DYM: variants seen among roughly 807,000 people sequenced by gnomAD.
DYM encodes the protein dymeclin, also known as dyggve-Melchior-Clausen syndrome protein.
In DYM, 78 loss-of-function variants were observed where a neutral mutation model predicts 93.1. The observed-to-expected ratio is 0.84, with a 90% CI of 0.70 to 1.01. DYM has a LOEUF of 1.01. Among genes scored for constraint, DYM ranks in the 50% least tolerant of loss-of-function variants. DYM has a pLI of 0.00. For missense variants in DYM, 789 were observed against 845.0 expected (o/e 0.93, Z 0.82); for synonymous variants, 321 against 319.7 (o/e 1.00, Z -0.04).
At chr18:49,067,002 C>T (rs919642477) in intron 17 of DYM, among the ~76,000 whole-genome samples, 10 of 152,078 alleles carry the variant, frequency 6.6e-5, no homozygotes, top group African/African-American at 2.2e-4. Flanking sequence ...GTGTTACAAC[C>T]GAGTTTGGAA....
intron 2 of DYM, among the ~76,000 whole-genome samples, chr18:49,391,906 G>C (rs2069301405): frequency 6.6e-6 from 1 of 152,152 alleles, no homozygotes; most frequent in Admixed American, 6.5e-5. Flanking sequence ...AGGCAGCAGG[G>C]AGACTTAGAA....
intron 14 of DYM, among the ~76,000 whole-genome samples, chr18:49,169,422 G>A (rs961761088): frequency 6.6e-6 from 1 of 152,222 alleles, no homozygotes; most frequent in African/African-American, 2.4e-5. Context: ...CAAGTGTTGA[G>A]TACACAGCAG....
intron 2 of DYM, among the ~76,000 whole-genome samples, chr18:49,423,917 C>T (rs2073998381): frequency 6.6e-6 from 1 of 152,056 alleles, no homozygotes; most frequent in Non-Finnish European, 1.5e-5. Context: ...AGCCTATAAA[C>T]CAAAAAAAGT....
chr18:49,254,460 A>C (rs2094352720), intron 13 of DYM, among the ~76,000 whole-genome samples: 1 of 152,066 alleles, frequency 6.6e-6, no homozygotes, highest in Non-Finnish European at 1.5e-5. Context: ...GCTAACTAAC[A>C]ATCTATTAAA....
chr18:49,158,940 G>A (rs1265830369), intron 15 of DYM, among the ~76,000 whole-genome samples: 1 of 151,994 alleles, frequency 6.6e-6, no homozygotes, highest in Admixed American at 6.6e-5. Context: ...AAGGATAAAT[G>A]GTTACCCCAT....
chr18:49,082,373 T>C (rs1302490568), intron 17 of DYM, among the ~76,000 whole-genome samples: 2 of 152,252 alleles, frequency 1.3e-5, no homozygotes, highest in Non-Finnish European at 2.9e-5. Flanking sequence ...GACTTTCTAG[T>C]TGTTTTCTGT....
chr18:49,217,776 A>C (rs1034586930), intron 13 of DYM, among the ~76,000 whole-genome samples: 7 of 152,194 alleles, frequency 4.6e-5, no homozygotes, highest in African/African-American at 1.7e-4. Context: ...GAAAGGAACA[A>C]ACCGTACCAC....
chr18:49,101,961 T>C (rs1437044607), intron 16 of DYM, among the ~76,000 whole-genome samples: 4 of 152,210 alleles, frequency 2.6e-5, no homozygotes, highest in Non-Finnish European at 5.9e-5. Flanking sequence ...CCTCTGATAC[T>C]AGCAATGTGA....
At chr18:49,330,600 A>C (rs945667004) in intron 8 of DYM, among the ~76,000 whole-genome samples, 2 of 152,228 alleles carry the variant, frequency 1.3e-5, no homozygotes, top group African/African-American at 4.8e-5. Flanking sequence ...CATTGTTTTG[A>C]AGAAAGCACT....
chr18:49,255,672 C>CAA (rs1172353065), intron 13 of DYM, among the ~76,000 whole-genome samples: 27 of 75,376 alleles, frequency 3.6e-4, no homozygotes, highest in Admixed American at 4.6e-4. Flanking sequence ...GACTCTGTCT[C>CAA]AAAAAAAAAA....
chr18:49,152,623 C>T (rs2085947549), intron 15 of DYM, among the ~76,000 whole-genome samples: 1 of 152,144 alleles, frequency 6.6e-6, no homozygotes, highest in Admixed American at 6.5e-5. Context: ...CCAACAATTC[C>T]ACTTCTGGGT....
At chr18:49,403,296 T>A (rs1294478900) in intron 2 of DYM, among the ~76,000 whole-genome samples, 1 of 152,242 alleles carries the variant, frequency 6.6e-6, no homozygotes, top group Non-Finnish European at 1.5e-5. Flanking sequence ...TCTGCTTTGA[T>A]TTTATTTACA....
chr18:49,371,751 C>T (rs1194230470), intron 5 of DYM, among the ~76,000 whole-genome samples: 3 of 152,190 alleles, frequency 2.0e-5, no homozygotes, highest in Non-Finnish European at 2.9e-5. Context: ...TCCCCTTTGA[C>T]TGATTCTCAA....
At chr18:49,422,589 G>C (rs1568418409) in intron 2 of DYM, among the ~76,000 whole-genome samples, 2 of 152,118 alleles carry the variant, frequency 1.3e-5, no homozygotes, top group African/African-American at 4.8e-5. Context: ...CCAATTAAAA[G>C]ACACAGACTG....
chr18:49,241,300 A>AAAAAATGC (rs2094001824), intron 13 of DYM, among the ~76,000 whole-genome samples: 4 of 152,206 alleles, frequency 2.6e-5, no homozygotes, highest in Non-Finnish European at 5.9e-5. Context: ...AGGTCTGCCA[A>AAAAAATGC]AAAGAACATT....
chr18:49,364,877 T>C (rs2066376198), intron 5 of DYM, among the ~76,000 whole-genome samples: 1 of 152,206 alleles, frequency 6.6e-6, no homozygotes, highest in Non-Finnish European at 1.5e-5. Flanking sequence ...ATCCTCAGTT[T>C]CATATCCTCC....
intron 13 of DYM, among the ~76,000 whole-genome samples, chr18:49,246,155 T>C (rs1361536723): frequency 6.6e-6 from 1 of 152,228 alleles, no homozygotes; most frequent in Non-Finnish European, 1.5e-5. Flanking sequence ...GGGAGTTATC[T>C]ACCTACCTTT....
chr18:49,233,376 A>G (rs1180059660), intron 13 of DYM, among the ~76,000 whole-genome samples: 1 of 152,030 alleles, frequency 6.6e-6, no homozygotes, highest in African/African-American at 2.4e-5. Context: ...AAAAAGAAAA[A>G]AAACACCTTT....
At chr18:49,274,481 A>T (rs536526945) in intron 10 of DYM, among the ~76,000 whole-genome samples, 1 of 152,148 alleles carries the variant, frequency 6.6e-6, no homozygotes, top group South Asian at 2.1e-4. Flanking sequence ...CTGCAGACAT[A>T]TACTCATTTC....
Sources: gnomAD v4.1 joint callset for allele counts (sites outside exome capture counted in the v4.1 genomes callset) on GRCh38, gnomAD v4.1.1 for gene constraint, MANE v1.5 for transcripts, NCBI Gene and HGNC (gene_info 2026-07-23, HGNC 2026-07-21) for gene names.